SCLY: variants seen among roughly 807,000 people sequenced by gnomAD.
SCLY encodes the protein putative selenocysteine lyase.
SCLY carries 38 observed loss-of-function variants against 50.1 expected under a neutral mutation model. That is an observed-to-expected ratio of 0.76 (90% CI 0.59 to 0.99). The LOEUF is 0.99. SCLY is among the 50% of genes least tolerant of loss of function. SCLY has a pLI of 0.00. For missense variants in SCLY, 600 were observed against 620.0 expected (o/e 0.97, Z 0.34); for synonymous variants, 243 against 249.4 (o/e 0.97, Z 0.24).
At position 238,081,774 on chromosome 2, in the gene SCLY, G is replaced by A. The variant is rs2065240101; in HGVS notation, c.550G>A (p.Val184Ile). 6.2e-7 allele frequency: 1 copy of A among 1,614,232 alleles called. No individual in the cohort carries two copies. The highest frequency in any genetic ancestry group is 8.5e-7 in the Non-Finnish European group (1 of 1,180,042). Residue 184 changes from valine to isoleucine, a missense_variant, in exon 5 of 12, where the codon GTC (valine) becomes ATC (isoleucine). Coordinates refer to ENST00000254663, the MANE Select transcript of SCLY (RefSeq NM_016510.7). ...AGAGGTGGACGACATCCTCGCGGCAGTCCGCCCGACCACACGCCTCGTGAC... is the reference window on the plus strand; with the variant it reads ...AGAGGTGGACGACATCCTCGCGGCAATCCGCCCGACCACACGCCTCGTGAC... ...QAEVDDILAAVRPTTRLVTIM... is the reference protein window; with the variant it reads ...QAEVDDILAAIRPTTRLVTIM...
rs1691294952 is a variant in SCLY at position 238,098,477 on chromosome 2, T to A, written c.*122T>A. 1.7e-6 allele frequency: 2 copies of A among 1,192,544 alleles called. No homozygotes were observed. Among genetic ancestry groups the A allele is most frequent in the Non-Finnish European group, 2.3e-6 (2 of 874,532 alleles). 73.9% of individuals were successfully genotyped at this position (1,192,544 alleles called of 1,614,324 possible). ...TGTCTCATGCCCCCTCTGCATTTTG[T>A]CCTGGAGTGCCAGCGAGTGTGCACC... On this transcript the variant is annotated 3_prime_UTR_variant, in exon 12 of 12. Coordinates refer to ENST00000254663, the MANE Select transcript of SCLY (RefSeq NM_016510.7).
At position 238,067,618 on chromosome 2, in the gene SCLY, A is replaced by T. The variant is rs1455574580; in HGVS notation, c.203-447A>T. ...TACCCTGTGGGCGACATGCAAAATG[A>T]GATATGGCACTGGACTTCGCGTCGA... On this transcript the variant is annotated intron_variant, in intron 2 of 11. Transcript: ENST00000254663. The surrounding 1 kb of genome is among the most constrained non-coding windows in gnomAD (Gnocchi z 4.3). Among the ~76,000 whole-genome samples the T allele has an allele frequency of 6.6e-6, 1 of 152,230 alleles. No homozygotes were observed. Among genetic ancestry groups the T allele is most frequent in the Non-Finnish European group, 1.5e-5 (1 of 68,046 alleles).
intron 5 of SCLY, 68 bp from the exon 6 acceptor site, chr2:238,081,976 TC>T: frequency 6.3e-7 from 1 of 1,583,966 alleles, no homozygotes. Flanking sequence ...CGCTCACTAC[TC>T]CTGATTTCTG....
At chr2:238,081,599 G>A in intron 4 of SCLY, 110 bp from the exon 5 acceptor site, 2 of 1,437,838 alleles carry the variant, frequency 1.4e-6, no homozygotes, top group Non-Finnish European at 1.9e-6. Flanking sequence ...TCTGAACTTG[G>A]ACAACAATTT....
rs762593272 is a variant in SCLY at position 238,069,642 on chromosome 2, G to A, written c.484+165G>A. The A allele has an allele frequency of 9.7e-6, 6 of 617,900 alleles. No homozygotes were observed. The highest frequency in any genetic ancestry group is 1.6e-5 in the Non-Finnish European group (6 of 382,220). 38.3% of individuals were successfully genotyped at this position (617,900 alleles called of 1,614,324 possible). ...TGAGGAGGCAGGCCCTGGCACCTTG[G>A]TGAATAGTTGCCCCTCACTGCACTG... On this transcript the variant is annotated intron_variant, in intron 4 of 11. Transcript: ENST00000254663. This position sits in a 1 kb window ranked among gnomAD's most constrained non-coding sequence, Gnocchi z 5.0.
rs2065106718 is a variant in SCLY at position 238,069,488 on chromosome 2, G to T, written c.484+11G>T. The T allele has an allele frequency of 1.9e-6, 3 of 1,601,972 alleles. No individual in the cohort carries two copies. Among genetic ancestry groups the T allele is most frequent in the Non-Finnish European group, 2.6e-6 (3 of 1,174,142 alleles). ...AAGAACAAGTGGCAGGTGAGTGAGT[G>T]CAGGGTGGCCCTGGGACCAGCCTGC... On this transcript the variant is annotated intron_variant, in intron 4 of 11. Transcript: ENST00000254663. This position sits in a 1 kb window ranked among gnomAD's most constrained non-coding sequence, Gnocchi z 5.0.
Position 238,066,625 on chromosome 2 carries a change from A to G in SCLY, c.203-1440A>G, listed in dbSNP as rs1223030437. Among the ~76,000 whole-genome samples the G allele has an allele frequency of 1.3e-5, 2 of 152,170 alleles. No individual in the cohort carries two copies. The highest frequency in any genetic ancestry group is 2.9e-5 in the Non-Finnish European group (2 of 68,034). ...GTGGAGAGGCAGAGTCAGGTTTGGA[A>G]CATCGTTTGAACACAGAGCCTACAG... On this transcript the variant is annotated intron_variant, in intron 2 of 11. Coordinates refer to ENST00000254663, the MANE Select transcript of SCLY (RefSeq NM_016510.7). The surrounding 1 kb of genome is among the most constrained non-coding windows in gnomAD (Gnocchi z 4.1).
At chr2:238,093,361 G>A (rs1400164397) in intron 8 of SCLY, 7 of 173,090 alleles carry the variant, frequency 4.0e-5, no homozygotes, top group African/African-American at 1.4e-4. Flanking sequence ...CTGTCGATCT[G>A]TCCCTGCGCC....
chr2:238,062,580 T>C (rs2065028339), intron 1 of SCLY, among the ~76,000 whole-genome samples: 1 of 152,174 alleles, frequency 6.6e-6, no homozygotes, highest in Non-Finnish European at 1.5e-5. Flanking sequence ...CAGCTAATTT[T>C]ATTGTATTTT....
At position 238,083,092 on chromosome 2, in the gene SCLY, C is replaced by T. The variant is rs2243417; in HGVS notation, c.778-156C>T. ...TGCCCCGAAGGCTTTTGTGACTCTG[C>T]GTGTCAAAAGGGGTGGCACTCAGAG... is the stretch of plus-strand genomic sequence containing the variant. On this transcript the variant is annotated intron_variant, in intron 6 of 11. Transcript: ENST00000254663. The surrounding 1 kb of genome is among the most constrained non-coding windows in gnomAD (Gnocchi z 4.3). 51 of 707,064 alleles carry T rather than the reference C, an allele frequency of 7.2e-5. No individual in the cohort carries two copies. The Middle Eastern group carries it at 9.4e-4, about 13-fold the overall frequency. 43.8% of individuals were successfully genotyped at this position (707,064 alleles called of 1,614,324 possible). A position where few individuals can be genotyped will look rare whatever the true frequency, so the allele number is the denominator to read the frequency against.
At chr2:238,087,646 A>G (rs1370397350) in intron 7 of SCLY, among the ~76,000 whole-genome samples, 1 of 152,236 alleles carries the variant, frequency 6.6e-6, no homozygotes, top group African/African-American at 2.4e-5. Context: ...ACAACTTCCC[A>G]GTTCATTTTA....
chr2:238,075,758 T>C (rs1029212718), intron 4 of SCLY, among the ~76,000 whole-genome samples: 53 of 152,268 alleles, frequency 3.5e-4, no homozygotes, highest in African/African-American at 9.6e-4. Context: ...TTTTTCTCTG[T>C]CTTGTTCAAT....
At chr2:238,088,529 G>T (rs1037693428) in intron 7 of SCLY, among the ~76,000 whole-genome samples, 2 of 152,152 alleles carry the variant, frequency 1.3e-5, no homozygotes, top group African/African-American at 4.8e-5. Context: ...TAATCTCCCA[G>T]TACTTTGGGA....
chr2:238,083,179 A>C lies in SCLY; in HGVS notation c.778-69A>C, dbSNP rs1449650828. The C allele has an allele frequency of 9.3e-7, 1 of 1,070,600 alleles. No individual in the cohort carries two copies. The highest frequency in any genetic ancestry group is 1.5e-6 in the Non-Finnish European group (1 of 684,952). The allele number at this position is 1,070,600 out of a possible 1,614,324, so 66.3% of individuals were successfully genotyped here. A position where few individuals can be genotyped will look rare whatever the true frequency, so the allele number is the denominator to read the frequency against. On this transcript the variant is annotated intron_variant, in intron 6 of 11. Coordinates refer to ENST00000254663, the MANE Select transcript of SCLY (RefSeq NM_016510.7). This position sits in a 1 kb window ranked among gnomAD's most constrained non-coding sequence, Gnocchi z 4.3. ...GCATTTCTCCTGTGTGCCCCTAAGC[A>C]CTTAGCATGTATACAGAGTAGGTCC...
chr2:238,061,180 C>T, intron 1 of SCLY, 37 bp downstream of exon 1: 2 of 1,422,078 alleles, frequency 1.4e-6, no homozygotes, highest in Non-Finnish European at 9.6e-7. Context: ...GAGCGGCCGG[C>T]GCCTGTCGCC....
Position 238,071,974 on chromosome 2 carries a change from A to T in SCLY, c.484+2497A>T, listed in dbSNP as rs116232261. On this transcript the variant is annotated intron_variant, in intron 4 of 11. Coordinates refer to ENST00000254663, the MANE Select transcript of SCLY (RefSeq NM_016510.7). ...GCCATCACCACTATATTTTTCAGTT[A>T]TAGAAAATTTTTCTATAATTTTCAG... Among the ~76,000 whole-genome samples, 241 of 152,292 alleles carry T rather than the reference A, an allele frequency of 1.6e-3. 1 individual carries two copies. Among genetic ancestry groups the T allele is most frequent in the African/African-American group, 5.4e-3 (226 of 41,562 alleles).
rs369312053 is a variant in SCLY, at chr2:238,098,637, C to A, written c.*282C>A. On this transcript the variant is annotated 3_prime_UTR_variant, in exon 12 of 12. Coordinates refer to ENST00000254663, the MANE Select transcript of SCLY (RefSeq NM_016510.7). ...CCCACATGGGACCGCCCACATGGGA[C>A]CGCCCACATGGGACCGCCCACATAG... The A allele has an allele frequency of 0.035, 9,788 of 282,516 alleles. 473 individuals carry two copies. The highest frequency in any genetic ancestry group is 0.085 in the African/African-American group (2,382 of 28,076). The allele number at this position is 282,516 out of a possible 1,614,324, so 17.5% of individuals were successfully genotyped here.
rs774661539 is a variant in SCLY, at chr2:238,082,060, A to T, written c.628A>T (p.Ser210Cys). 1 of 1,613,300 alleles carries T rather than the reference A, an allele frequency of 6.2e-7. No homozygotes were observed. Among genetic ancestry groups the T allele is most frequent in the South Asian group, 1.1e-5 (1 of 91,056 alleles). Residue 210 changes from serine to cysteine, a missense_variant, in exon 6 of 12, where the codon AGT becomes TGT. Transcript: ENST00000254663. ...TGIVMPVPEISQRIKALNQER... is the reference protein window; with the variant it reads ...TGIVMPVPEICQRIKALNQER... ...TCCCCGTCAGCCTGTCCCTGAAATC[A>T]GTCAGCGCATTAAAGCCCTGAACCA...
Position 238,068,142 on chromosome 2 carries a change from A to G in SCLY, c.280A>G (p.Ile94Val), listed in dbSNP as rs761739344. Residue 94 changes from isoleucine to valine, a missense_variant, in exon 3 of 12, where the codon ATC (isoleucine) becomes GTC (valine). Coordinates refer to ENST00000254663, the MANE Select transcript of SCLY (RefSeq NM_016510.7). ...KMIGGKPQDI[I>V]FTSGGTESNN... is the part of the protein sequence containing the mutation. ...GATAGGGGGGAAACCTCAAGATATA[A>G]TCTTCACTTCCGGGGGCACTGAGGT... is the stretch of plus-strand genomic sequence containing the variant. 4 of 1,610,290 alleles carry G rather than the reference A, an allele frequency of 2.5e-6. No individual in the cohort carries two copies. The highest frequency in any genetic ancestry group is 3.4e-6 in the Non-Finnish European group (4 of 1,178,154).
Sources: gnomAD v4.1 joint callset for allele counts (sites outside exome capture counted in the v4.1 genomes callset) on GRCh38, gnomAD v4.1.1 for gene constraint, Gnocchi (gnomAD v3.1) non-coding constraint, MANE v1.5 for transcripts, NCBI Gene and HGNC (gene_info 2026-07-23, HGNC 2026-07-21) for gene names.